The following CTNNA3 variants were observed in gnomAD, a reference collection of about 807,000 sequenced individuals.
CTNNA3 encodes the protein catenin alpha-3.
Under a neutral mutation model 95.7 loss-of-function variants are expected in CTNNA3, and 76 were observed. That is an observed-to-expected ratio of 0.79 (90% CI 0.66 to 0.96). The LOEUF is 0.96. Ranked by LOEUF, CTNNA3 falls within the 40% of genes least tolerant of loss-of-function variation. The pLI is 0.00. For missense variants in CTNNA3, 1,191 were observed against 1,089.8 expected (o/e 1.09, Z -1.31); for synonymous variants, 431 against 374.4 (o/e 1.15, Z -1.74).
intron 11 of CTNNA3, among the ~76,000 whole-genome samples, chr10:66,445,514 GA>G: frequency 6.6e-6 from 1 of 152,264 alleles, no homozygotes; most frequent in East Asian, 1.9e-4. Flanking sequence ...GCAGGATTAA[GA>G]AACTCACTCA....
At chr10:66,131,474 A>G (rs1417414976) in intron 13 of CTNNA3, among the ~76,000 whole-genome samples, 2 of 152,224 alleles carry the variant, frequency 1.3e-5, no homozygotes, top group African/African-American at 2.4e-5. Flanking sequence ...CACACTGCAC[A>G]AAGTAATAAT....
chr10:66,852,616 C>G (rs10822929), intron 7 of CTNNA3, among the ~76,000 whole-genome samples: 1 of 151,836 alleles, frequency 6.6e-6, no homozygotes, highest in South Asian at 2.1e-4. Context: ...ACTGGGGAGA[C>G]GCATGAAGAA....
chr10:66,730,600 T>A (rs893161395), intron 9 of CTNNA3, among the ~76,000 whole-genome samples: 6 of 152,174 alleles, frequency 3.9e-5, no homozygotes, highest in African/African-American at 1.2e-4. Flanking sequence ...CATGTACCCC[T>A]GAACTTAAAA....
intron 16 of CTNNA3, among the ~76,000 whole-genome samples, chr10:65,969,710 G>A (rs535726572): frequency 9.9e-5 from 15 of 151,896 alleles, no homozygotes; most frequent in African/African-American, 2.2e-4. Flanking sequence ...TGACCCAGTC[G>A]GAAAAAAATA....
In CTNNA3 at chr10:66,592,100, CAA is replaced by C. The variant is rs34776713; in HGVS notation, c.1374+29590_1374+29591del. On this transcript the variant is annotated intron_variant, in intron 10 of 17. Coordinates refer to ENST00000433211, the MANE Select transcript of CTNNA3 (RefSeq NM_013266.4). ...TTTCTGAATCATTATTCTAGCTTGGCAAAAAAAAAAAAATGGTGACTCATGAC... is the reference window on the plus strand; with the variant it reads ...TTTCTGAATCATTATTCTAGCTTGGCAAAAAAAAAAATGGTGACTCATGAC... Among the ~76,000 whole-genome samples the C allele has an allele frequency of 4.8e-3, 554 of 116,312 alleles. 3 individuals carry two copies. Among genetic ancestry groups the C allele is most frequent in the East Asian group, 0.012 (57 of 4,568 alleles). The allele number at this position is 116,312 out of a possible 152,430, so 76.3% of individuals were successfully genotyped here.
intron 5 of CTNNA3, among the ~76,000 whole-genome samples, chr10:67,367,921 T>TTTGGGTTTTTCAAAAATGTTGAA (rs1843275908): frequency 6.6e-6 from 1 of 152,108 alleles, no homozygotes; most frequent in African/African-American, 2.4e-5. Context: ...GTTGAAAAAC[T>TTTGGGTTTTTCAAAAATGTTGAA]AATCATTGGG....
At chr10:66,049,701 C>T (rs1024054937) in intron 15 of CTNNA3, among the ~76,000 whole-genome samples, 2 of 152,034 alleles carry the variant, frequency 1.3e-5, no homozygotes, top group African/African-American at 4.8e-5. Context: ...AACAGAAAAC[C>T]AAATACCACA....
At chr10:67,473,708 C>T (rs1847911780) in intron 5 of CTNNA3, among the ~76,000 whole-genome samples, 2 of 151,846 alleles carry the variant, frequency 1.3e-5, no homozygotes, top group African/African-American at 4.8e-5. Flanking sequence ...TAAAAAATAA[C>T]AATACAACAA....
intron 7 of CTNNA3, 52 bp from the exon 8 acceptor site, chr10:66,775,576 C>T: frequency 7.7e-7 from 1 of 1,303,268 alleles, no homozygotes; most frequent in Non-Finnish European, 1.1e-6. Flanking sequence ...ATCTTTATCA[C>T]TTAGCAATTT....
At chr10:67,658,368 T>C (rs7094044) in intron 1 of CTNNA3, among the ~76,000 whole-genome samples, 43,099 of 152,056 alleles carry the variant, frequency 0.28, 7,619 homozygotes, top group African/African-American at 0.51. Flanking sequence ...GATATCATTA[T>C]CCCCTTTTAA....
At chr10:67,650,592 G>T (rs1839848392) in intron 1 of CTNNA3, among the ~76,000 whole-genome samples, 1 of 152,102 alleles carries the variant, frequency 6.6e-6, no homozygotes, top group Non-Finnish European at 1.5e-5. Flanking sequence ...GCTGGAAACT[G>T]AACTTTTATC....
intron 12 of CTNNA3, among the ~76,000 whole-genome samples, chr10:66,303,162 C>T (rs1281410085): frequency 6.6e-6 from 1 of 152,120 alleles, no homozygotes; most frequent in East Asian, 1.9e-4. Flanking sequence ...AGGATAAACA[C>T]TAACAACACT....
chr10:66,568,315 A>G (rs1181966201), intron 10 of CTNNA3, among the ~76,000 whole-genome samples: 2 of 152,204 alleles, frequency 1.3e-5, no homozygotes, highest in East Asian at 3.9e-4. Context: ...TGTCCCTTCA[A>G]CAAAACTGAC....
intron 11 of CTNNA3, among the ~76,000 whole-genome samples, chr10:66,502,176 A>C (rs1386396403): frequency 6.6e-6 from 1 of 152,102 alleles, no homozygotes. Context: ...TCATTTTCAC[A>C]AAGCATTTTT....
chr10:66,189,021 T>A (rs2086505491), intron 13 of CTNNA3, among the ~76,000 whole-genome samples: 2 of 152,120 alleles, frequency 1.3e-5, no homozygotes, highest in Non-Finnish European at 2.9e-5. Flanking sequence ...CCATTTTACA[T>A]CTTTGGAGAA....
In CTNNA3 at chr10:67,219,885, A is replaced by G; in HGVS notation, c.580-15T>C. 1.9e-6 allele frequency: 3 copies of G among 1,592,340 alleles called. No individual in the cohort carries two copies. The highest frequency in any genetic ancestry group is 2.6e-6 in the Non-Finnish European group (3 of 1,166,414). ...GATTTTAAGTCCTGAGAAGGTAAAT[A>G]AAAAGAGTGGTATCTTACAATGGGT... On this transcript the variant is annotated splice_polypyrimidine_tract_variant and intron_variant, in intron 5 of 17. Coordinates refer to ENST00000433211, the MANE Select transcript of CTNNA3 (RefSeq NM_013266.4).
chr10:66,650,738 G>A (rs914340509), intron 9 of CTNNA3, among the ~76,000 whole-genome samples: 1 of 151,844 alleles, frequency 6.6e-6, no homozygotes, highest in African/African-American at 2.4e-5. Context: ...GGCGCATCTG[G>A]AGTTGTTCCT....
chr10:67,448,489 T>C (rs1292173871), intron 5 of CTNNA3, among the ~76,000 whole-genome samples: 2 of 151,984 alleles, frequency 1.3e-5, no homozygotes, highest in Non-Finnish European at 2.9e-5. Context: ...TAAAACAGGA[T>C]AGCTAGCCTA....
intron 1 of CTNNA3, among the ~76,000 whole-genome samples, chr10:67,668,000 T>C (rs964879944): frequency 2.6e-5 from 4 of 152,204 alleles, no homozygotes; most frequent in African/African-American, 4.8e-5. Context: ...AATATGTATA[T>C]AAATAATTTT....
Sources: allele counts gnomAD v4.1 joint callset (sites outside exome capture counted in the v4.1 genomes callset), GRCh38; gene constraint gnomAD v4.1.1; transcripts MANE v1.5; gene names NCBI Gene and HGNC (gene_info 2026-07-23, HGNC 2026-07-21).